RBMS3: variants seen among roughly 807,000 people sequenced by gnomAD.
RBMS3 encodes RNA binding motif single stranded interacting protein 3.
In RBMS3, 27 loss-of-function variants were observed where a neutral mutation model predicts 66.8. The ratio of observed to expected loss-of-function variants is 0.40; its 90% CI spans 0.30 to 0.56. The LOEUF (loss-of-function observed/expected upper bound fraction) is 0.56, where lower values mean the gene tolerates loss of function less well. RBMS3 is among the 20% of genes least tolerant of loss of function. The probability of loss-of-function intolerance (pLI) is 0.40; values close to 1 mark genes in which losing one functional copy is unlikely to be tolerated. For synonymous variants in RBMS3, 188 were observed against 183.0 expected (o/e 1.03, Z -0.22); for missense variants, 513 against 549.5 (o/e 0.93, Z 0.66).
chr3:29,884,191 AGCT>A lies in RBMS3; in HGVS notation c.777_779del (p.Ala260del). 6.2e-7 allele frequency: 1 copy of A among 1,611,764 alleles called. No individual in the cohort carries two copies. The highest frequency in any genetic ancestry group is 1.1e-5 in the South Asian group (1 of 91,006). ...GCATGGCTTTGACCTATGACCCCAC[AGCT>A]GCCATACAGAATGGGTAAGTAGATC... is the stretch of plus-strand genomic sequence containing the variant. On this transcript the variant is annotated inframe_deletion, in exon 8 of 15. Coordinates refer to ENST00000383767, the MANE Select transcript of RBMS3 (RefSeq NM_001003793.3).
At chr3:29,995,932 G>A (rs1699199126) in intron 14 of RBMS3, among the ~76,000 whole-genome samples, 1 of 151,994 alleles carries the variant, frequency 6.6e-6, no homozygotes. Context: ...AACTTTAAAT[G>A]TAAATGGACT....
intron 4 of RBMS3, among the ~76,000 whole-genome samples, chr3:29,624,989 G>T (rs1043965817): frequency 6.6e-6 from 1 of 152,106 alleles, no homozygotes; most frequent in African/African-American, 2.4e-5. Flanking sequence ...GAACATGGGG[G>T]TGGGTTTTCC....
chr3:29,609,465 A>G (rs1464417817), intron 4 of RBMS3, among the ~76,000 whole-genome samples: 2 of 151,976 alleles, frequency 1.3e-5, no homozygotes, highest in African/African-American at 4.8e-5. Flanking sequence ...GAGGCAGTCC[A>G]GAAGACACTT....
intron 4 of RBMS3, among the ~76,000 whole-genome samples, chr3:29,689,293 C>A (rs2051872453): frequency 6.6e-6 from 1 of 151,984 alleles, no homozygotes; most frequent in South Asian, 2.1e-4. Flanking sequence ...AGATCTACAT[C>A]TTTTTTCTGT....
intron 1 of RBMS3, among the ~76,000 whole-genome samples, chr3:29,363,560 G>A (rs751835018): frequency 4.6e-5 from 7 of 152,130 alleles, no homozygotes; most frequent in South Asian, 2.1e-4. Context: ...AGGCCAAAGC[G>A]GGTGGATCAC....
chr3:29,296,375 G>A (rs529144705), intron 1 of RBMS3, among the ~76,000 whole-genome samples: 85 of 151,922 alleles, frequency 5.6e-4, no homozygotes, highest in Admixed American at 2.0e-3. Context: ...TCTTGGGAAT[G>A]TGTACAACTG....
chr3:29,427,920 T>C (rs77635053), intron 1 of RBMS3, among the ~76,000 whole-genome samples: 2,993 of 152,254 alleles, frequency 0.02, 103 homozygotes, highest in African/African-American at 0.068. Context: ...GCAAAAAATA[T>C]TTAAAATTCT....
intron 1 of RBMS3, among the ~76,000 whole-genome samples, chr3:29,427,580 A>G (rs2041009255): frequency 6.6e-6 from 1 of 152,222 alleles, no homozygotes. Context: ...TGTACGTGCA[A>G]GCTAAATAAT....
chr3:29,731,075 G>A, intron 4 of RBMS3: 1 of 959,034 alleles, frequency 1.0e-6, no homozygotes, highest in Non-Finnish European at 1.2e-6. Flanking sequence ...TAACTCAATT[G>A]AAGGCTCCTC....
At chr3:29,971,418 T>C (rs1460074799) in intron 12 of RBMS3, among the ~76,000 whole-genome samples, 4 of 152,152 alleles carry the variant, frequency 2.6e-5, no homozygotes, top group Non-Finnish European at 5.9e-5. Flanking sequence ...CATAAGTGGC[T>C]CCAGTTTCTT....
In RBMS3 at chr3:29,760,310, A is replaced by G. The variant is rs79338393; in HGVS notation, c.558-2600A>G. ...CTACACACACACACACACCCCTAGTATTAGTCTTCATTTATAATTCCATGC... is the reference window on the plus strand; with the variant it reads ...CTACACACACACACACACCCCTAGTGTTAGTCTTCATTTATAATTCCATGC... On this transcript the variant is annotated intron_variant, in intron 5 of 14. Transcript: ENST00000383767. Among the ~76,000 whole-genome samples, 641 of 151,884 alleles carry G rather than the reference A, an allele frequency of 4.2e-3. 16 individuals are homozygous for G. The highest frequency in any genetic ancestry group is 0.035 in the Admixed American group (529 of 15,230).
chr3:29,840,904 C>T (rs1161370397), intron 6 of RBMS3, among the ~76,000 whole-genome samples: 1 of 151,822 alleles, frequency 6.6e-6, no homozygotes, highest in Non-Finnish European at 1.5e-5. Flanking sequence ...AAAAGTTATG[C>T]ATATTTTAAA....
intron 13 of RBMS3, among the ~76,000 whole-genome samples, chr3:29,988,598 A>T (rs1231626051): frequency 6.6e-6 from 1 of 152,158 alleles, no homozygotes; most frequent in Admixed American, 6.5e-5. Context: ...TTCCTAGACC[A>T]GCATCATTGG....
chr3:29,808,125 G>C, intron 6 of RBMS3, among the ~76,000 whole-genome samples: 1 of 151,854 alleles, frequency 6.6e-6, no homozygotes. Context: ...TACCCATTCA[G>C]TTATCACCAT....
chr3:29,654,509 A>C (rs2050252449), intron 4 of RBMS3, among the ~76,000 whole-genome samples: 1 of 147,356 alleles, frequency 6.8e-6, no homozygotes. Context: ...GCCAGAATAC[A>C]TGAATTGGAT....
At chr3:29,721,151 T>G (rs1394013639) in intron 4 of RBMS3, among the ~76,000 whole-genome samples, 1 of 152,170 alleles carries the variant, frequency 6.6e-6, no homozygotes, top group East Asian at 1.9e-4. Flanking sequence ...ATTGAATTGT[T>G]TTGGTTATAC....
chr3:29,818,818 A>G (rs2057992644), intron 6 of RBMS3, among the ~76,000 whole-genome samples: 1 of 152,128 alleles, frequency 6.6e-6, no homozygotes, highest in Non-Finnish European at 1.5e-5. Flanking sequence ...ATGTTGAATA[A>G]GCATAAATTA....
intron 5 of RBMS3, among the ~76,000 whole-genome samples, chr3:29,750,223 C>G (rs534996751): frequency 1.3e-5 from 2 of 152,262 alleles, no homozygotes; most frequent in East Asian, 1.9e-4. Context: ...AAAGTAAGAT[C>G]TCTAAATTTA....
intron 3 of RBMS3, among the ~76,000 whole-genome samples, chr3:29,534,145 T>C (rs1432357266): frequency 6.6e-6 from 1 of 152,258 alleles, no homozygotes; most frequent in Non-Finnish European, 1.5e-5. Context: ...CTGCCACCTG[T>C]AGATGCAGCA....
Sources: allele counts gnomAD v4.1 joint callset (sites outside exome capture counted in the v4.1 genomes callset), GRCh38; gene constraint gnomAD v4.1.1; transcripts MANE v1.5; gene names NCBI Gene and HGNC (gene_info 2026-07-23, HGNC 2026-07-21).